Variants in AMPH observed in about 807,000 individuals in gnomAD.
The protein encoded by AMPH is amphiphysin.
In AMPH, 49 loss-of-function variants were observed where a neutral mutation model predicts 99.1. The ratio of observed to expected loss-of-function variants is 0.49; its 90% CI spans 0.39 to 0.63. AMPH has a LOEUF of 0.63. Among genes scored for constraint, AMPH ranks in the 20% least tolerant of loss-of-function variants. The probability of loss-of-function intolerance (pLI) is 0.00; values close to 1 mark genes in which losing one functional copy is unlikely to be tolerated. For missense variants in AMPH, 759 were observed against 863.4 expected (o/e 0.88, Z 1.52); for synonymous variants, 314 against 317.3 (o/e 0.99, Z 0.11).
intron 2 of AMPH, among the ~76,000 whole-genome samples, chr7:38,515,980 T>G (rs1459884986): frequency 6.6e-6 from 1 of 152,222 alleles, no homozygotes; most frequent in Non-Finnish European, 1.5e-5. Context: ...CAGCAAAATG[T>G]TCAAGATTTC....
rs543961438 is a variant in AMPH, at chr7:38,593,333, A to G, written c.69+37950T>C. Among the ~76,000 whole-genome samples the G allele has an allele frequency of 7.9e-5, 12 of 152,340 alleles. No homozygotes were observed. The South Asian group carries it at 2.5e-3, about 32-fold the overall frequency. On this transcript the variant is annotated intron_variant, in intron 1 of 20. Transcript: ENST00000356264. ...TTTGGCAGTCTTCAAAAACAATAAG[A>G]TAAAGAAAAAGAAAAGAAAAAAACA...
At chr7:38,465,783 T>A (rs1195746990) in intron 8 of AMPH, among the ~76,000 whole-genome samples, 4 of 151,846 alleles carry the variant, frequency 2.6e-5, no homozygotes, top group Non-Finnish European at 5.9e-5. Flanking sequence ...TTAACCAGAG[T>A]ACAGGGCAGA....
At chr7:38,583,287 A>G (rs17498360) in intron 1 of AMPH, among the ~76,000 whole-genome samples, 42,836 of 152,136 alleles carry the variant, frequency 0.28, 6,431 homozygotes, top group Non-Finnish European at 0.34. Flanking sequence ...CTGAGACTTT[A>G]TTCTTCAATC....
intron 11 of AMPH, among the ~76,000 whole-genome samples, chr7:38,451,258 T>A (rs1787004006): frequency 6.9e-6 from 1 of 144,378 alleles, no homozygotes; most frequent in Admixed American, 7.1e-5. Context: ...TACACACATA[T>A]TTATGTGTGC....
chr7:38,515,617 G>A (rs1351547226), intron 2 of AMPH, among the ~76,000 whole-genome samples: 1 of 152,118 alleles, frequency 6.6e-6, no homozygotes, highest in Non-Finnish European at 1.5e-5. Flanking sequence ...GAAATAATAT[G>A]AATAATTGGC....
rs79926292 is a variant in AMPH at position 38,396,975 on chromosome 7, A to T, written c.1399-2761T>A. On this transcript the variant is annotated intron_variant, in intron 17 of 20. Transcript: ENST00000356264. ...AGAAAATAAGTTGTGTCATGATTAC[A>T]AGCTTATTCTCTCCATCTGTCTGGA... Among the ~76,000 whole-genome samples the T allele has an allele frequency of 1.4e-4, 21 of 152,354 alleles. No homozygotes were observed. In the East Asian group the frequency reaches 3.9e-3, roughly 28 times the overall value.
chr7:38,454,750 A>G (rs1787165739), intron 11 of AMPH, among the ~76,000 whole-genome samples: 1 of 152,248 alleles, frequency 6.6e-6, no homozygotes, highest in Non-Finnish European at 1.5e-5. Context: ...AATAGAAGAC[A>G]TAAACATGAA....
intron 17 of AMPH, among the ~76,000 whole-genome samples, chr7:38,404,981 A>C (rs1473191011): frequency 1.3e-5 from 2 of 152,232 alleles, no homozygotes; most frequent in African/African-American, 2.4e-5. Context: ...TTACCTGCAA[A>C]GGAAATTCCA....
chr7:38,512,383 C>T (rs566947452), intron 2 of AMPH, among the ~76,000 whole-genome samples: 1 of 152,290 alleles, frequency 6.6e-6, no homozygotes, highest in South Asian at 2.1e-4. Flanking sequence ...GAGAGATATG[C>T]CTCATTCTCT....
At chr7:38,539,100 A>G (rs529951579) in intron 1 of AMPH, among the ~76,000 whole-genome samples, 1 of 152,350 alleles carries the variant, frequency 6.6e-6, no homozygotes, top group East Asian at 1.9e-4. Context: ...AGAATCCTTG[A>G]CAGGAGACTG....
intron 17 of AMPH, among the ~76,000 whole-genome samples, chr7:38,396,724 CT>C (rs1232269012): frequency 6.6e-6 from 1 of 152,114 alleles, no homozygotes; most frequent in African/African-American, 2.4e-5. Context: ...AAGCACCGAC[CT>C]TTTTATGGAT....
In AMPH at chr7:38,501,320, AG is replaced by A. The variant is rs542309880; in HGVS notation, c.205+2329del. 2.6e-5 allele frequency among the ~76,000 whole-genome samples: 4 copies of A among 152,260 alleles called. No homozygotes were observed. The South Asian group carries it at 8.3e-4, about 32-fold the overall frequency. On this transcript the variant is annotated intron_variant, in intron 3 of 20. Transcript: ENST00000356264. The stretch of plus-strand genomic sequence containing the variant: ...ATTCTCCTGCCTAAGCCTCCTGAGT[AG>A]CTGGGACTACAGGCATGCGCCACCA...
In AMPH at chr7:38,494,536, G is replaced by A. The variant is rs1788852619; in HGVS notation, c.206-9C>T. 1 of 1,612,128 alleles carries A rather than the reference G, an allele frequency of 6.2e-7. No homozygotes were observed. The highest frequency in any genetic ancestry group is 1.3e-5 in the African/African-American group (1 of 74,846). On this transcript the variant is annotated splice_polypyrimidine_tract_variant and intron_variant, in intron 3 of 20. Coordinates refer to ENST00000356264, the MANE Select transcript of AMPH (RefSeq NM_001635.4). ...GGAGGCCTCCTGCATGCCTAGTGTT[G>A]GAGAGAAACAACTCCCGTTACACAG...
chr7:38,511,895 T>C (rs1469302031), intron 2 of AMPH, among the ~76,000 whole-genome samples: 1 of 152,214 alleles, frequency 6.6e-6, no homozygotes, highest in African/African-American at 2.4e-5. Context: ...ATTATCTTTA[T>C]TATATGTGTG....
At chr7:38,610,260 A>AAGAAAGAAAGAAAG (rs1793591223) in intron 1 of AMPH, among the ~76,000 whole-genome samples, 1 of 11,110 alleles carries the variant, frequency 9.0e-5, no homozygotes, top group Non-Finnish European at 1.7e-4. Flanking sequence ...AAAAAAAAAA[A>AAGAAAGAAAGAAAG]AAAGAAAGAA....
intron 1 of AMPH, among the ~76,000 whole-genome samples, chr7:38,622,881 G>A (rs1024547043): frequency 2.0e-5 from 3 of 152,174 alleles, no homozygotes; most frequent in Admixed American, 1.3e-4. Flanking sequence ...TAACCCAGGA[G>A]AGAGAGGCTT....
At chr7:38,627,924 A>T (rs1026319153) in intron 1 of AMPH, among the ~76,000 whole-genome samples, 2 of 152,154 alleles carry the variant, frequency 1.3e-5, no homozygotes, top group African/African-American at 4.8e-5. Flanking sequence ...ATGTAGCAGG[A>T]TCCTGACTAA....
chr7:38,427,811 G>A (rs1416625682), intron 14 of AMPH: 1 of 437,042 alleles, frequency 2.3e-6, no homozygotes, highest in Non-Finnish European at 4.6e-6. Context: ...TCTTTGGCTA[G>A]TCTATGCTAC....
chr7:38,518,667 T>G lies in AMPH; in HGVS notation c.151-14963A>C, dbSNP rs117392407. Among the ~76,000 whole-genome samples the G allele has an allele frequency of 2.4e-4, 37 of 152,318 alleles. No homozygotes were observed. In the East Asian group the frequency reaches 3.9e-3, roughly 16 times the overall value. ...TTATAAGTAGATAACTTGTTTTGAT[T>G]TCACAGGCTCACAGCTGAAAGGAAT... is the stretch of plus-strand genomic sequence containing the variant. On this transcript the variant is annotated intron_variant, in intron 2 of 20. Transcript: ENST00000356264.
Sources: gnomAD v4.1 joint callset for allele counts (sites outside exome capture counted in the v4.1 genomes callset) on GRCh38, gnomAD v4.1.1 for gene constraint, MANE v1.5 for transcripts, NCBI Gene and HGNC (gene_info 2026-07-23, HGNC 2026-07-21) for gene names.